The following CDK14 variants were observed in gnomAD, a reference collection of about 807,000 sequenced individuals.
CDK14 encodes cyclin-dependent kinase 14.
CDK14 carries 34 observed loss-of-function variants against 60.7 expected under a neutral mutation model. The ratio of observed to expected loss-of-function variants is 0.56; its 90% CI spans 0.43 to 0.75. The LOEUF (loss-of-function observed/expected upper bound fraction) is 0.75. Ranked by LOEUF, CDK14 falls within the 30% of genes least tolerant of loss-of-function variation. CDK14 has a pLI of 0.00. For synonymous variants in CDK14, 197 were observed against 203.7 expected (o/e 0.97, Z 0.28); for missense variants, 482 against 564.1 (o/e 0.85, Z 1.47).
intron 4 of CDK14, among the ~76,000 whole-genome samples, chr7:90,764,315 G>A (rs919060130): frequency 1.2e-4 from 18 of 152,050 alleles, no homozygotes; most frequent in African/African-American, 4.4e-4. Context: ...TAACATAAAT[G>A]TTAGGCTTAG....
chr7:91,033,886 A>T (rs1796836603), intron 10 of CDK14, among the ~76,000 whole-genome samples: 1 of 152,196 alleles, frequency 6.6e-6, no homozygotes, highest in Admixed American at 6.5e-5. Flanking sequence ...TTGAGATGAG[A>T]GTGAAATCCA....
At chr7:90,602,045 G>T (rs1463474942) in intron 1 of CDK14, among the ~76,000 whole-genome samples, 1 of 152,078 alleles carries the variant, frequency 6.6e-6, no homozygotes, top group Non-Finnish European at 1.5e-5. Flanking sequence ...GAGCTCTGGC[G>T]ACCCATCCGC....
rs139801285 is a variant in CDK14, at chr7:90,783,283, C to T, written c.465-7290C>T. On this transcript the variant is annotated intron_variant, in intron 4 of 14. Coordinates refer to ENST00000380050, the MANE Select transcript of CDK14 (RefSeq NM_001287135.2). ...TTGTTAGTCACATCCTAATAAATAGCTGTTATACTATTGTTTTATTAATCT... is the reference window on the plus strand; with the variant it reads ...TTGTTAGTCACATCCTAATAAATAGTTGTTATACTATTGTTTTATTAATCT... Among the ~76,000 whole-genome samples the T allele has an allele frequency of 8.1e-3, 1,226 of 152,200 alleles. 24 individuals are homozygous for T. Among genetic ancestry groups the T allele is most frequent in the African/African-American group, 0.028 (1,178 of 41,534 alleles).
intron 6 of CDK14, among the ~76,000 whole-genome samples, chr7:90,866,233 T>TACACACACACACACACACACACACAC (rs3038210): frequency 4.3e-5 from 6 of 140,366 alleles, no homozygotes; most frequent in African/African-American, 1.3e-4. Context: ...CACATACACA[T>TACACACACACACACACACACACACAC]ACACACACAC....
chr7:90,925,070 A>G (rs916983869), intron 8 of CDK14, among the ~76,000 whole-genome samples: 1 of 152,174 alleles, frequency 6.6e-6, no homozygotes, highest in African/African-American at 2.4e-5. Context: ...CACATACCGG[A>G]AAGGAATCTT....
Position 91,103,688 on chromosome 7 carries a change from C to T in CDK14, c.1155-8854C>T, listed in dbSNP as rs1799204742. On this transcript the variant is annotated intron_variant, in intron 12 of 14. Coordinates refer to ENST00000380050, the MANE Select transcript of CDK14 (RefSeq NM_001287135.2). Reference sequence around the variant, plus strand: ...TCTTAAAGACAATCTATTCCATCTTCCTCATTTCTGAGGTATAAAAACTAA... The same window carrying T: ...TCTTAAAGACAATCTATTCCATCTTTCTCATTTCTGAGGTATAAAAACTAA... Among the ~76,000 whole-genome samples, 4 of 152,284 alleles carry T rather than the reference C, an allele frequency of 2.6e-5. No homozygotes were observed. The South Asian group carries it at 8.3e-4, about 32-fold the overall frequency.
At chr7:91,050,484 TA>T (rs1797359508) in intron 11 of CDK14, among the ~76,000 whole-genome samples, 1 of 152,202 alleles carries the variant, frequency 6.6e-6, no homozygotes, top group African/African-American at 2.4e-5. Flanking sequence ...AACAATTAGT[TA>T]AAAACTGAAC....
At position 90,766,764 on chromosome 7, in the gene CDK14, G is replaced by C. The variant is rs868346639; in HGVS notation, c.464+18989G>C. ...GCAGATAGCTGAAAGAACACTCGGG[G>C]GGCCATAGGCAGGGGAATATGGTTT... On this transcript the variant is annotated intron_variant, in intron 4 of 14. Transcript: ENST00000380050. Among the ~76,000 whole-genome samples, 9 of 152,204 alleles carry C rather than the reference G, an allele frequency of 5.9e-5. No homozygotes were observed. In the South Asian group the frequency reaches 1.9e-3, roughly 32 times the overall value.
intron 8 of CDK14, among the ~76,000 whole-genome samples, chr7:90,933,995 C>T (rs1019768743): frequency 2.6e-5 from 4 of 152,248 alleles, no homozygotes; most frequent in African/African-American, 9.6e-5. Context: ...GCTGATCTGA[C>T]GCTCCACTCG....
intron 5 of CDK14, among the ~76,000 whole-genome samples, chr7:90,806,666 A>G (rs1424767413): frequency 6.6e-6 from 1 of 152,216 alleles, no homozygotes; most frequent in Non-Finnish European, 1.5e-5. Flanking sequence ...AATCAGGGCG[A>G]GGCATCGCCT....
chr7:91,030,690 A>G (rs1416861897), intron 10 of CDK14, among the ~76,000 whole-genome samples: 1 of 152,186 alleles, frequency 6.6e-6, no homozygotes, highest in Non-Finnish European at 1.5e-5. Flanking sequence ...CTTGCTGTTG[A>G]TCCCCACTGA....
At chr7:90,789,612 A>G (rs1025792238) in intron 4 of CDK14, among the ~76,000 whole-genome samples, 1 of 152,112 alleles carries the variant, frequency 6.6e-6, no homozygotes, top group Admixed American at 6.6e-5. Context: ...TTTAAAGTAT[A>G]TGGGTGGTGG....
chr7:90,858,908 A>G (rs1000928186), intron 5 of CDK14, among the ~76,000 whole-genome samples: 8 of 152,240 alleles, frequency 5.3e-5, no homozygotes, highest in Admixed American at 3.3e-4. Flanking sequence ...TAACAATACT[A>G]AACTCTGTGG....
At chr7:90,912,318 G>A (rs536266997) in intron 7 of CDK14, among the ~76,000 whole-genome samples, 108 of 152,198 alleles carry the variant, frequency 7.1e-4, no homozygotes, top group African/African-American at 2.1e-3. Context: ...AGAATCATGT[G>A]CTTATTATAC....
At chr7:90,876,457 T>A (rs1791566077) in intron 6 of CDK14, among the ~76,000 whole-genome samples, 1 of 152,198 alleles carries the variant, frequency 6.6e-6, no homozygotes, top group South Asian at 2.1e-4. Context: ...ACTAAAAAGA[T>A]TGTCAACCAA....
chr7:90,680,107 G>A (rs530805144), intron 2 of CDK14, among the ~76,000 whole-genome samples: 66 of 151,850 alleles, frequency 4.3e-4, no homozygotes, highest in Non-Finnish European at 2.4e-4. Flanking sequence ...TCGTTTGTAT[G>A]TATATCCCTG....
intron 4 of CDK14, among the ~76,000 whole-genome samples, chr7:90,785,225 A>G (rs1022939127): frequency 3.9e-5 from 6 of 152,184 alleles, no homozygotes; most frequent in Admixed American, 3.3e-4. Context: ...TATCTTGTAG[A>G]CATAATTTCT....
rs116554469 is a variant in CDK14 at position 90,749,565 on chromosome 7, C to T, written c.464+1790C>T. On this transcript the variant is annotated intron_variant, in intron 4 of 14. Coordinates refer to ENST00000380050, the MANE Select transcript of CDK14 (RefSeq NM_001287135.2). Reference sequence around the variant, plus strand: ...GGCAGATCTCCAGGCATTTGGAGCACCAGTTCACCTGGAATGGCAGCTTAA... The same window carrying T: ...GGCAGATCTCCAGGCATTTGGAGCATCAGTTCACCTGGAATGGCAGCTTAA... Among the ~76,000 whole-genome samples the T allele has an allele frequency of 3.8e-3, 581 of 152,358 alleles. 5 individuals carry two copies. Among genetic ancestry groups the T allele is most frequent in the African/African-American group, 0.013 (553 of 41,588 alleles).
Position 91,102,936 on chromosome 7 carries a change from T to C in CDK14, c.1155-9606T>C, listed in dbSNP as rs116952749. Among the ~76,000 whole-genome samples, 37 of 152,286 alleles carry C rather than the reference T, an allele frequency of 2.4e-4. 1 individual carries two copies. The East Asian group carries it at 7.2e-3, about 30-fold the overall frequency. ...CAAACATTCAGTCATTTAGCAGATG[T>C]TGTGTCTCCACATTGTATTAGAAAT... On this transcript the variant is annotated intron_variant, in intron 12 of 14. Coordinates refer to ENST00000380050, the MANE Select transcript of CDK14 (RefSeq NM_001287135.2).
Sources: gnomAD v4.1 joint callset for allele counts (sites outside exome capture counted in the v4.1 genomes callset) on GRCh38, gnomAD v4.1.1 for gene constraint, MANE v1.5 for transcripts, NCBI Gene and HGNC (gene_info 2026-07-23, HGNC 2026-07-21) for gene names.